The following SLC25A24 variants were observed in gnomAD, a reference collection of about 807,000 sequenced individuals.
SLC25A24 encodes solute carrier family 25 member 24, also known as mitochondrial adenyl nucleotide antiporter SLC25A24.
A neutral mutation model predicts 60.7 loss-of-function variants in SLC25A24; 49 were observed. The ratio of observed to expected loss-of-function variants is 0.81; its 90% CI spans 0.64 to 1.02. SLC25A24 has a LOEUF of 1.02. Ranked by LOEUF, SLC25A24 falls within the 50% of genes least tolerant of loss-of-function variation. The pLI is 0.00. For synonymous variants in SLC25A24, 202 were observed against 200.6 expected (o/e 1.01, Z -0.06); for missense variants, 564 against 586.3 (o/e 0.96, Z 0.39).
rs200257541 is a variant in SLC25A24, at chr1:108,136,815, C to T, written c.1272G>A (p.Gln424=). The part of the protein sequence containing the change: ...QAQAMLEGSP[Q]LNMVGLFRRI... ...GTCGAAAGAGGCCAACCATATTCAG[C>T]TGTGGGGAACCTTCTAACATGGCTA... Residue 424 remains glutamine (Q), a synonymous_variant, in exon 10 of 10, where the codon CAG becomes CAA. Coordinates refer to ENST00000565488, the MANE Select transcript of SLC25A24 (RefSeq NM_013386.5). The T allele has an allele frequency of 6.2e-7, 1 of 1,613,850 alleles. No homozygotes were observed. Among genetic ancestry groups the T allele is most frequent in the Non-Finnish European group, 8.5e-7 (1 of 1,179,966 alleles).
At chr1:108,182,146 GC>G (rs1474375684) in intron 2 of SLC25A24, 118 bp from the exon 3 acceptor site, 190 of 628,916 alleles carry the variant, frequency 3.0e-4, no homozygotes, top group Middle Eastern at 1.2e-3. Context: ...GCAAAATTGT[GC>G]ATGTAGGTGA....
chr1:108,161,972 G>A (rs1441302292), intron 3 of SLC25A24, among the ~76,000 whole-genome samples: 3 of 119,692 alleles, frequency 2.5e-5, no homozygotes, highest in Non-Finnish European at 4.9e-5. Flanking sequence ...ACAGTCCCCA[G>A]AGTGTGATGT....
intron 1 of SLC25A24, among the ~76,000 whole-genome samples, chr1:108,189,998 G>A (rs1165244655): frequency 6.6e-6 from 1 of 151,972 alleles, no homozygotes; most frequent in African/African-American, 2.4e-5. Flanking sequence ...TAATATGAAA[G>A]ATTAGGAATG....
chr1:108,143,792 A>G (rs1679512118), intron 7 of SLC25A24, 82 bp from the exon 8 acceptor site: 1 of 1,015,218 alleles, frequency 9.9e-7, no homozygotes, highest in Non-Finnish European at 1.5e-6. Flanking sequence ...TTTACATGGA[A>G]CAAATACCTA....
chr1:108,169,920 T>A (rs1647389657), intron 3 of SLC25A24, among the ~76,000 whole-genome samples: 1 of 152,154 alleles, frequency 6.6e-6, no homozygotes, highest in African/African-American at 2.4e-5. Flanking sequence ...TTTATTTACA[T>A]CTCATTTCTC....
chr1:108,199,596 T>G, intron 1 of SLC25A24: 1 of 390,782 alleles, frequency 2.6e-6, no homozygotes, highest in Admixed American at 4.2e-5. Context: ...CCCACTGAAG[T>G]CTGACAGCTA....
intron 9 of SLC25A24, 87 bp from the exon 10 acceptor site, chr1:108,136,924 T>C: frequency 8.3e-7 from 1 of 1,204,756 alleles, no homozygotes; most frequent in Non-Finnish European, 1.2e-6. Context: ...AATGATATTC[T>C]AAAATACAGT....
intron 6 of SLC25A24, 83 bp from the exon 7 acceptor site, chr1:108,148,469 T>C: frequency 1.3e-6 from 1 of 789,192 alleles, no homozygotes; most frequent in African/African-American, 1.7e-5. Flanking sequence ...GTTGAAGCTG[T>C]AACCTCCCAT....
rs149963785 is a variant in SLC25A24, at chr1:108,188,518, G to A, written c.184-2564C>T. 6.2e-4 allele frequency among the ~76,000 whole-genome samples: 95 copies of A among 152,250 alleles called. No individual in the cohort carries two copies. In the Middle Eastern group the frequency reaches 0.01, roughly 16 times the overall value. On this transcript the variant is annotated intron_variant, in intron 1 of 9. Transcript: ENST00000565488. ...GAAAAATGTCACAGCATTCTGTGGC[G>A]CCATTTACGTACTGAAGTTTCATCT...
At chr1:108,143,480 T>A in intron 8 of SLC25A24, 63 bp downstream of exon 8, 2 of 1,374,790 alleles carry the variant, frequency 1.5e-6, no homozygotes, top group South Asian at 1.4e-5. Context: ...CTTCTTCATA[T>A]AAAGTCCAAT....
At chr1:108,177,281 G>T (rs919784629) in intron 3 of SLC25A24, among the ~76,000 whole-genome samples, 9 of 151,302 alleles carry the variant, frequency 5.9e-5, no homozygotes, top group Non-Finnish European at 1.2e-4. Flanking sequence ...TAAAAAGCAA[G>T]AAATCAAAAC....
chr1:108,196,203 G>A (rs892413658), intron 1 of SLC25A24, among the ~76,000 whole-genome samples: 3 of 152,076 alleles, frequency 2.0e-5, no homozygotes, highest in African/African-American at 4.8e-5. Context: ...ATCATAGAAT[G>A]TAAGAGTTAG....
chr1:108,190,369 A>C (rs1250520993), intron 1 of SLC25A24, among the ~76,000 whole-genome samples: 2 of 152,044 alleles, frequency 1.3e-5, no homozygotes, highest in Non-Finnish European at 2.9e-5. Flanking sequence ...TCAAATTCTG[A>C]CCATTTGGGG....
At chr1:108,195,203 G>A (rs1386699428) in intron 1 of SLC25A24, among the ~76,000 whole-genome samples, 4 of 152,140 alleles carry the variant, frequency 2.6e-5, no homozygotes, top group African/African-American at 4.8e-5. Context: ...CTGGAATACC[G>A]ATAAAGAAAG....
At chr1:108,174,670 C>T (rs61797046) in intron 3 of SLC25A24, among the ~76,000 whole-genome samples, 1,626 of 152,228 alleles carry the variant, frequency 0.011, 13 homozygotes, top group Non-Finnish European at 0.015. Context: ...AGACACTCAA[C>T]GCCAGCCTGT....
intron 3 of SLC25A24, among the ~76,000 whole-genome samples, chr1:108,181,138 C>T (rs1250792987): frequency 7.2e-6 from 1 of 138,320 alleles, no homozygotes; most frequent in East Asian, 2.1e-4. Flanking sequence ...TCCTCTTGAG[C>T]AGCTGTTTGT....
chr1:108,163,404 A>G (rs923337428), intron 3 of SLC25A24, among the ~76,000 whole-genome samples: 44 of 150,344 alleles, frequency 2.9e-4, no homozygotes, highest in African/African-American at 1.1e-3. Context: ...CATTTTCACG[A>G]TACTGATTCT....
chr1:108,174,740 C>A (rs1647611122), intron 3 of SLC25A24, among the ~76,000 whole-genome samples: 2 of 152,180 alleles, frequency 1.3e-5, no homozygotes, highest in African/African-American at 4.8e-5. Flanking sequence ...ATGCCCAAGG[C>A]CATGGGAGCC....
intron 3 of SLC25A24, among the ~76,000 whole-genome samples, chr1:108,162,478 T>C (rs1331204544): frequency 4.0e-5 from 6 of 149,574 alleles, no homozygotes; most frequent in South Asian, 4.3e-4. Context: ...TTTTTAATGA[T>C]TGCCATTCTA....
Sources: gnomAD v4.1 joint callset for allele counts (sites outside exome capture counted in the v4.1 genomes callset) on GRCh38, gnomAD v4.1.1 for gene constraint, MANE v1.5 for transcripts, NCBI Gene and HGNC (gene_info 2026-07-23, HGNC 2026-07-21) for gene names.